The following SH3BP2 variants were observed in gnomAD, a reference collection of about 807,000 sequenced individuals.
SH3BP2 encodes SH3 domain binding protein 2, also known as SH3 domain-binding protein 2.
In SH3BP2, 38 loss-of-function variants were observed where a neutral mutation model predicts 56.2. The observed-to-expected ratio is 0.68, with a 90% CI of 0.52 to 0.89. The LOEUF (loss-of-function observed/expected upper bound fraction) is 0.89. Among genes scored for constraint, SH3BP2 ranks in the 40% least tolerant of loss-of-function variants. The probability of loss-of-function intolerance (pLI) is 0.00; values close to 1 mark genes in which losing one functional copy is unlikely to be tolerated. For missense variants in SH3BP2, 748 were observed against 762.6 expected (o/e 0.98, Z 0.23); for synonymous variants, 346 against 316.7 (o/e 1.09, Z -0.98).
intron 1 of SH3BP2, chr4:2,818,365 C>T: frequency 8.5e-7 from 1 of 1,178,516 alleles, no homozygotes. Context: ...CCCGGGGAAG[C>T]CGGCCATGCC....
chr4:2,832,061 TG>T, intron 10 of SH3BP2, 83 bp downstream of exon 10: 1 of 1,442,994 alleles, frequency 6.9e-7, no homozygotes. Context: ...GCTTCCGTGT[TG>T]GGGAGTTGCT....
At chr4:2,803,313 C>T (rs866133577) in intron 1 of SH3BP2, among the ~76,000 whole-genome samples, 2 of 152,190 alleles carry the variant, frequency 1.3e-5, no homozygotes, top group Non-Finnish European at 2.9e-5. Context: ...CAGCAGGAGC[C>T]CCAGGGCCTC....
rs1664425639 is a variant in SH3BP2 at position 2,837,078 on chromosome 4, C to T, written c.*3244C>T. 1 of 152,158 alleles carries T rather than the reference C, an allele frequency of 6.6e-6. No individual in the cohort carries two copies. Among genetic ancestry groups the T allele is most frequent in the Non-Finnish European group, 1.5e-5 (1 of 68,042 alleles). 9.4% of individuals were successfully genotyped at this position (152,158 alleles called of 1,614,324 possible). A position where few individuals can be genotyped will look rare whatever the true frequency, so the allele number is the denominator to read the frequency against. Reference sequence around the variant, plus strand: ...CTTTTTTTTTTGGGACACAGTCTCACTCTGTCGCCCAGGCTAGAGTGGATT... The same window carrying T: ...CTTTTTTTTTTGGGACACAGTCTCATTCTGTCGCCCAGGCTAGAGTGGATT... On this transcript the variant is annotated 3_prime_UTR_variant, in exon 13 of 13. Transcript: ENST00000503393.
At chr4:2,812,752 G>A (rs899489765) in intron 1 of SH3BP2, among the ~76,000 whole-genome samples, 2 of 142,062 alleles carry the variant, frequency 1.4e-5, no homozygotes, top group Non-Finnish European at 3.1e-5. Flanking sequence ...ACATGCGGCC[G>A]ACAGGGAGGC....
intron 1 of SH3BP2, among the ~76,000 whole-genome samples, chr4:2,802,532 A>ATG (rs138848543): frequency 0.051 from 7,208 of 140,828 alleles, 363 homozygotes; most frequent in African/African-American, 0.12. Flanking sequence ...ATATATATGT[A>ATG]TGTGTGTGTG....
chr4:2,807,081 C>A (rs1356206208), intron 1 of SH3BP2, among the ~76,000 whole-genome samples: 1 of 152,254 alleles, frequency 6.6e-6, no homozygotes, highest in African/African-American at 2.4e-5. Flanking sequence ...CCCGAACACA[C>A]TGCGTCTTCT....
intron 1 of SH3BP2, among the ~76,000 whole-genome samples, chr4:2,819,681 G>A (rs1724195417): frequency 6.6e-6 from 1 of 151,974 alleles, no homozygotes; most frequent in South Asian, 2.1e-4. Flanking sequence ...AAGAGATGAG[G>A]AAGATGCTGG....
At chr4:2,796,483 C>T (rs1723066739) in intron 1 of SH3BP2, 10 of 984,270 alleles carry the variant, frequency 1.0e-5, no homozygotes, top group Non-Finnish European at 1.2e-5. Flanking sequence ...GGTGACTGGC[C>T]CTTTCTTCAT....
rs773282036 is a variant in SH3BP2 at position 2,831,954 on chromosome 4, C to T, written c.1382C>T (p.Thr461Ile). Residue 461 changes from threonine to isoleucine, a missense_variant, in exon 10 of 13, where the codon ACC (threonine) becomes ATC (isoleucine). Coordinates refer to ENST00000503393, the MANE Select transcript of SH3BP2 (RefSeq NM_001122681.2). The surrounding 1 kb of genome is among the most constrained non-coding windows in gnomAD (Gnocchi z 4.1). ...VPLPNSVFVN[T>I]TESCEVERLF... ...CTGCCCAACTCGGTCTTCGTCAACACCACGGAGTCCTGCGAAGTGGAAAGG... is the reference window on the plus strand; with the variant it reads ...CTGCCCAACTCGGTCTTCGTCAACATCACGGAGTCCTGCGAAGTGGAAAGG... 4 of 1,613,080 alleles carry T rather than the reference C, an allele frequency of 2.5e-6. No individual in the cohort carries two copies. The highest frequency in any genetic ancestry group is 8.5e-7 in the Non-Finnish European group (1 of 1,180,016).
At chr4:2,816,689 A>G (rs1031331226) in intron 1 of SH3BP2, among the ~76,000 whole-genome samples, 2 of 152,222 alleles carry the variant, frequency 1.3e-5, no homozygotes, top group African/African-American at 2.4e-5. Flanking sequence ...TTCTTCGTCT[A>G]TCAAAATCAT....
In SH3BP2 at chr4:2,797,085, C is replaced by T. The variant is rs9996929; in HGVS notation, c.-5+3947C>T. On this transcript the variant is annotated intron_variant, in intron 1 of 12. Transcript: ENST00000503393. ...GCTCCGTTTGGGGGAGTTCCTTCAG[C>T]CTCGATCCAGGGGTGTTGTAATCTA... is the stretch of plus-strand genomic sequence containing the variant. Among the ~76,000 whole-genome samples the T allele has an allele frequency of 4.2e-3, 632 of 152,266 alleles. 5 individuals carry two copies. Among genetic ancestry groups the T allele is most frequent in the African/African-American group, 0.014 (601 of 41,530 alleles).
At chr4:2,827,125 ATCTG>A (rs778165033) in intron 5 of SH3BP2, 101 bp from the exon 6 acceptor site, 2 of 840,904 alleles carry the variant, frequency 2.4e-6, no homozygotes, top group South Asian at 1.4e-5. Flanking sequence ...GCATCTGTGT[ATCTG>A]TCCATGTATC....
At chr4:2,824,852 A>G in intron 4 of SH3BP2, 122 bp downstream of exon 4, 2 of 796,124 alleles carry the variant, frequency 2.5e-6, no homozygotes, top group Non-Finnish European at 4.2e-6. Flanking sequence ...CCGGGCAAAG[A>G]GAAGGTGTGG....
intron 1 of SH3BP2, among the ~76,000 whole-genome samples, chr4:2,803,749 A>G (rs1000848641): frequency 1.3e-5 from 2 of 152,126 alleles, no homozygotes; most frequent in East Asian, 1.9e-4. Context: ...TGCACAAGCT[A>G]TGCTCTGTCT....
At chr4:2,825,272 C>A in intron 5 of SH3BP2, 76 bp downstream of exon 5, 1 of 1,209,600 alleles carries the variant, frequency 8.3e-7, no homozygotes, top group Non-Finnish European at 1.2e-6. Context: ...GTCCGCCTCC[C>A]AGCCCCGGGC....
intron 1 of SH3BP2, chr4:2,812,442 A>G (rs1285709132): frequency 1.3e-6 from 2 of 1,550,256 alleles, no homozygotes; most frequent in Non-Finnish European, 1.7e-6. Flanking sequence ...GCAGGTCACG[A>G]GGACGGAGGG....
At chr4:2,830,981 C>T (rs938710274) in intron 8 of SH3BP2, among the ~76,000 whole-genome samples, 3 of 152,250 alleles carry the variant, frequency 2.0e-5, no homozygotes, top group African/African-American at 7.2e-5. Flanking sequence ...TCACCAAGGG[C>T]TGCAGAGATG....
At chr4:2,803,688 C>G (rs997024320) in intron 1 of SH3BP2, among the ~76,000 whole-genome samples, 3 of 152,180 alleles carry the variant, frequency 2.0e-5, no homozygotes, top group Admixed American at 6.5e-5. Flanking sequence ...CCACCTCTGT[C>G]TCTCATGTCA....
intron 1 of SH3BP2, chr4:2,812,253 T>G: frequency 6.5e-7 from 1 of 1,533,350 alleles, no homozygotes; most frequent in Non-Finnish European, 8.8e-7. Context: ...GAACAGGAAG[T>G]CCCGGGTGGG....
Sources: allele counts gnomAD v4.1 joint callset (sites outside exome capture counted in the v4.1 genomes callset), GRCh38; gene constraint gnomAD v4.1.1; non-coding constraint Gnocchi (gnomAD v3.1); transcripts MANE v1.5; gene names NCBI Gene and HGNC (gene_info 2026-07-23, HGNC 2026-07-21).